The following CFAP141 variants were observed in gnomAD, a reference collection of about 807,000 sequenced individuals.
CFAP141 encodes cilia- and flagella-associated protein 141.
the CFAP141 span, among the ~76,000 whole-genome samples, chr1:154,199,832 G>T: frequency 3.0e-3 from 461 of 152,274 alleles, 2 homozygotes; most frequent in African/African-American, 0.011. Flanking sequence ...CCGGGAGAGA[G>T]AGAGGTACCG....
At chr1:154,205,553 A>G in the CFAP141 span, 10 of 1,582,506 alleles carry the variant, frequency 6.3e-6, no homozygotes, top group African/African-American at 4.0e-5. Context: ...AGCAGAGTGG[A>G]AAGGTCAAGC....
the CFAP141 span, among the ~76,000 whole-genome samples, chr1:154,202,725 C>G: frequency 3.9e-5 from 6 of 151,994 alleles, no homozygotes; most frequent in African/African-American, 1.4e-4. Context: ...GGCGTGAACC[C>G]AGGAGACAGA....
At chr1:154,203,090 T>C in the CFAP141 span, among the ~76,000 whole-genome samples, 2 of 141,990 alleles carry the variant, frequency 1.4e-5, no homozygotes, top group Admixed American at 1.4e-4. Context: ...CACTGCACTC[T>C]AGCCTGGGTG....
At chr1:154,202,451 T>G in the CFAP141 span, among the ~76,000 whole-genome samples, 160 of 152,302 alleles carry the variant, frequency 1.1e-3, no homozygotes, top group South Asian at 2.5e-3. Flanking sequence ...GTTGGCATTT[T>G]TAAAAAATCA....
At chr1:154,202,868 C>A in the CFAP141 span, among the ~76,000 whole-genome samples, 1 of 151,624 alleles carries the variant, frequency 6.6e-6, no homozygotes, top group African/African-American at 2.4e-5. Context: ...TGCCTGTAAT[C>A]CCAGCACTTC....
chr1:154,202,432 A>G, the CFAP141 span, among the ~76,000 whole-genome samples: 2 of 152,188 alleles, frequency 1.3e-5, no homozygotes, highest in East Asian at 1.9e-4. Context: ...GCATGTACAT[A>G]TATCTACTGT....
chr1:154,205,475 G>A, the CFAP141 span: 17 of 878,760 alleles, frequency 1.9e-5, no homozygotes, highest in Non-Finnish European at 2.5e-5. Context: ...CACCCCTTCC[G>A]CATCTGTTTT....
the CFAP141 span, among the ~76,000 whole-genome samples, chr1:154,205,179 C>T: frequency 4.6e-3 from 695 of 152,212 alleles, 7 homozygotes; most frequent in African/African-American, 0.015. Context: ...CCACCGCGCC[C>T]GGCTGCATCA....
At chr1:154,200,680 TTTTTC>T in the CFAP141 span, 523 of 1,386,346 alleles carry the variant, frequency 3.8e-4, no homozygotes, top group Middle Eastern at 7.9e-4. Flanking sequence ...TTCTTTTTTC[TTTTTC>T]TTTTCTTTTT....
chr1:154,203,495 T>A, the CFAP141 span, among the ~76,000 whole-genome samples: 4 of 151,736 alleles, frequency 2.6e-5, no homozygotes, highest in East Asian at 8.0e-4. Flanking sequence ...AGTGTGTGAT[T>A]ATGGATCACT....
the CFAP141 span, among the ~76,000 whole-genome samples, chr1:154,201,733 T>C: frequency 2.0e-5 from 3 of 152,020 alleles, no homozygotes; most frequent in African/African-American, 4.8e-5. Context: ...CTCATACTAG[T>C]GATTCTCAGC....
chr1:154,204,952 G>A, the CFAP141 span, among the ~76,000 whole-genome samples: 1 of 151,182 alleles, frequency 6.6e-6, no homozygotes, highest in Middle Eastern at 3.2e-3. Flanking sequence ...TGCGATCTTG[G>A]CTCACTGCAC....
chr1:154,199,596 C>A, the CFAP141 span: 1 of 1,021,946 alleles, frequency 9.8e-7, no homozygotes. Context: ...TTCTTTCTTC[C>A]TAGTTGTTTT....
At chr1:154,204,526 C>G in the CFAP141 span, among the ~76,000 whole-genome samples, 1 of 152,106 alleles carries the variant, frequency 6.6e-6, no homozygotes, top group Non-Finnish European at 1.5e-5. Context: ...AGCAATCCAC[C>G]TGCCTTGCCC....
At chr1:154,199,495 T>C in the CFAP141 span, 1 of 1,613,478 alleles carries the variant, frequency 6.2e-7, no homozygotes, top group Non-Finnish European at 8.5e-7. Flanking sequence ...TGATGCTCCT[T>C]TTCAAACAGC....
the CFAP141 span, chr1:154,199,458 A>C: frequency 6.2e-7 from 1 of 1,612,976 alleles, no homozygotes. Flanking sequence ...AGCTTTGCCC[A>C]TCTGATTTAG....
chr1:154,206,169 C>T, the CFAP141 span: 14 of 1,041,410 alleles, frequency 1.3e-5, no homozygotes, highest in Admixed American at 3.4e-5. Flanking sequence ...CTACATTATA[C>T]CCTTGTTACA....
chr1:154,203,436 A>G, the CFAP141 span, among the ~76,000 whole-genome samples: 1 of 148,796 alleles, frequency 6.7e-6, no homozygotes, highest in South Asian at 2.1e-4. Context: ...ACTTTTGCAT[A>G]TATATTTTTT....
the CFAP141 span, among the ~76,000 whole-genome samples, chr1:154,204,178 A>G: frequency 1.3e-5 from 2 of 152,218 alleles, no homozygotes. Flanking sequence ...CCAAGTATGT[A>G]TATTTAAGAT....
Sources: gnomAD v4.1 joint callset for allele counts (sites outside exome capture counted in the v4.1 genomes callset) on GRCh38, gnomAD v4.1.1 for gene constraint, MANE v1.5 for transcripts, NCBI Gene and HGNC (gene_info 2026-07-23, HGNC 2026-07-21) for gene names.